CEACAM21: variants seen among roughly 807,000 people sequenced by gnomAD.
The protein encoded by CEACAM21 is cell adhesion molecule CEACAM21.
Under a neutral mutation model 33.2 loss-of-function variants are expected in CEACAM21, and 38 were observed. That is an observed-to-expected ratio of 1.14 (90% confidence interval 0.88 to 1.50). The LOEUF (loss-of-function observed/expected upper bound fraction) is 1.50. Among genes scored for constraint, CEACAM21 ranks in the 40% most tolerant of loss-of-function variants. CEACAM21 has a pLI of 0.00. For synonymous variants in CEACAM21, 156 were observed against 143.0 expected, an observed-to-expected ratio of 1.09 and a Z score of -0.65; for missense variants, 385 against 364.6, an observed-to-expected ratio of 1.06 and a Z score of -0.46.
At chr19:41,567,255 C>T (rs2042323312) in intron 2 of CEACAM21, among the ~76,000 whole-genome samples, 3 of 152,116 alleles carry the variant, frequency 2.0e-5, no homozygotes, top group African/African-American at 4.8e-5. Context: ...TGATACTGTC[C>T]TTGCTGGACA....
At chr19:41,562,310 A>G (rs1302703687) in intron 1 of CEACAM21, among the ~76,000 whole-genome samples, 1 of 137,294 alleles carries the variant, frequency 7.3e-6, no homozygotes, top group Non-Finnish European at 1.6e-5. Context: ...TTTTTTTAAG[A>G]AAAAAAAAAG....
chr19:41,586,674 G>T lies in CEACAM21; in HGVS notation c.*211G>T, dbSNP rs1555795750. 1.3e-5 allele frequency: 6 copies of T among 459,386 alleles called. No individual in the cohort carries two copies. Among genetic ancestry groups the T allele is most frequent in the African/African-American group, 2.0e-5 (1 of 49,510 alleles). 28.5% of individuals were successfully genotyped at this position (459,386 alleles called of 1,614,324 possible). A position where few individuals can be genotyped will look rare whatever the true frequency, so the allele number is the denominator to read the frequency against. On this transcript the variant is annotated 3_prime_UTR_variant, in exon 7 of 7. Transcript: ENST00000401445. Reference sequence around the variant, plus strand: ...GGCCTGGGGACAGGAAGGGATGGGGGTCCCTGCTGAATATATAGAGACCTC... The same window carrying T: ...GGCCTGGGGACAGGAAGGGATGGGGTTCCCTGCTGAATATATAGAGACCTC...
upstream of CEACAM21, chr19:41,576,082 G>A: frequency 1.6e-6 from 1 of 625,030 alleles, no homozygotes; most frequent in East Asian, 2.9e-5. Flanking sequence ...AGGACTGAGA[G>A]GGGAGGGGAC....
At chr19:41,584,860 A>T (rs979348686) in intron 4 of CEACAM21, among the ~76,000 whole-genome samples, 6 of 152,124 alleles carry the variant, frequency 3.9e-5, no homozygotes, top group Non-Finnish European at 7.4e-5. Flanking sequence ...TGGGGTCAGC[A>T]CCCCTTTGAC....
At chr19:41,584,564 C>T (rs1203972754) in intron 4 of CEACAM21, 121 bp downstream of exon 4, 8 of 860,260 alleles carry the variant, frequency 9.3e-6, no homozygotes, top group Non-Finnish European at 1.5e-5. Flanking sequence ...CCCAGGGATC[C>T]TTCCCTCTCA....
chr19:41,558,661 C>CA (rs1210929471), intron 1 of CEACAM21, among the ~76,000 whole-genome samples: 6 of 150,392 alleles, frequency 4.0e-5, no homozygotes, highest in South Asian at 4.2e-4. Context: ...ACAACAACAA[C>CA]AAAAAAAAAC....
intron 2 of CEACAM21, among the ~76,000 whole-genome samples, chr19:41,577,934 GC>G (rs1480350121): frequency 6.6e-6 from 1 of 152,116 alleles, no homozygotes; most frequent in African/African-American, 2.4e-5. Flanking sequence ...TGAAGCCCCT[GC>G]CCCAGGCCCC....
At position 41,581,754 on chromosome 19, in the gene CEACAM21, G is replaced by T. The variant is rs62119453; in HGVS notation, c.700+2126G>T. ...AGACTTATTCACTATCATGAGAACA[G>T]CATGGGAAGAATCCACCCCCATGAT... On this transcript the variant is annotated intron_variant, in intron 3 of 6. Coordinates refer to ENST00000401445, the MANE Select transcript of CEACAM21 (RefSeq NM_001098506.4). Among the ~76,000 whole-genome samples, 531 of 152,264 alleles carry T rather than the reference G, an allele frequency of 3.5e-3. 2 individuals carry two copies. Among genetic ancestry groups the T allele is most frequent in the Non-Finnish European group, 4.8e-3 (326 of 68,012 alleles).
chr19:41,579,727 C>A, intron 3 of CEACAM21, 99 bp downstream of exon 3: 1 of 861,436 alleles, frequency 1.2e-6, no homozygotes, highest in South Asian at 1.8e-5. Context: ...GATGAGATTC[C>A]TTCAGAGCCT....
Position 41,585,505 on chromosome 19 carries a change from C to T in CEACAM21, c.850+10C>T, listed in dbSNP as rs1555795068. On this transcript the variant is annotated intron_variant, in intron 5 of 6. Coordinates refer to ENST00000401445, the MANE Select transcript of CEACAM21 (RefSeq NM_001098506.4). The stretch of plus-strand genomic sequence containing the variant: ...CCAGCCTCCACCCCCGGTGAGTGTC[C>T]CTTCAGTCTGGGTGTGGCTGGGAAC... The T allele has an allele frequency of 6.2e-7, 1 of 1,613,708 alleles. No homozygotes were observed. The highest frequency in any genetic ancestry group is 1.1e-5 in the South Asian group (1 of 91,074).
intron 2 of CEACAM21, among the ~76,000 whole-genome samples, chr19:41,569,659 C>G (rs1378551411): frequency 6.6e-6 from 1 of 151,974 alleles, no homozygotes; most frequent in East Asian, 1.9e-4. Context: ...AATAGAGAGC[C>G]CTGGCCAGGC....
At chr19:41,557,016 T>A (rs1410049652) in intron 1 of CEACAM21, among the ~76,000 whole-genome samples, 2 of 152,228 alleles carry the variant, frequency 1.3e-5, no homozygotes, top group African/African-American at 4.8e-5. Context: ...TGCTTAGAAT[T>A]TGCGATGCCA....
At chr19:41,566,616 T>C (rs984709028) in intron 2 of CEACAM21, among the ~76,000 whole-genome samples, 3 of 152,244 alleles carry the variant, frequency 2.0e-5, no homozygotes, top group Admixed American at 2.0e-4. Flanking sequence ...TAAGTGAGAT[T>C]GGTCTATAAT....
At chr19:41,554,835 A>G (rs1555785150) in intron 1 of CEACAM21, 1 of 152,088 alleles carries the variant, frequency 6.6e-6, no homozygotes, top group East Asian at 1.9e-4. Flanking sequence ...ACTTTAGTCA[A>G]TATGTTTACA....
At chr19:41,570,703 G>A (rs2042544287) in intron 2 of CEACAM21, among the ~76,000 whole-genome samples, 1 of 152,214 alleles carries the variant, frequency 6.6e-6, no homozygotes, top group Admixed American at 6.5e-5. Flanking sequence ...TGCTCCCTGA[G>A]CAAATCTAGA....
intron 1 of CEACAM21, chr19:41,549,562 T>G (rs1309117022): frequency 6.6e-6 from 1 of 152,118 alleles, no homozygotes; most frequent in Non-Finnish European, 1.5e-5. Context: ...GGTATTAGCT[T>G]TTCTCTTTTA....
intron 1 of CEACAM21, among the ~76,000 whole-genome samples, chr19:41,561,841 G>A (rs906565367): frequency 5.9e-5 from 9 of 152,166 alleles, no homozygotes; most frequent in African/African-American, 1.9e-4. Context: ...TGAGAAATTG[G>A]TCAGTCTACA....
At chr19:41,582,510 T>C (rs2043481219) in intron 3 of CEACAM21, among the ~76,000 whole-genome samples, 1 of 152,242 alleles carries the variant, frequency 6.6e-6, no homozygotes, top group African/African-American at 2.4e-5. Context: ...CCATGAGGGC[T>C]CTGCTTCTGC....
At chr19:41,564,780 G>A (rs1179788031) in exon 2 of CEACAM21, 4 of 152,242 alleles carry the variant, frequency 2.6e-5, no homozygotes, top group Admixed American at 6.5e-5. Flanking sequence ...ATTAGACAAG[G>A]AGGCCTTGGG....
Sources: gnomAD v4.1 joint callset for allele counts (sites outside exome capture counted in the v4.1 genomes callset) on GRCh38, gnomAD v4.1.1 for gene constraint, MANE v1.5 for transcripts, NCBI Gene and HGNC (gene_info 2026-07-23, HGNC 2026-07-21) for gene names.